The following ZNF638 variants were observed in gnomAD, a reference collection of about 807,000 sequenced individuals.
ZNF638 encodes zinc finger protein 638, also known as CTCL tumor antigen se33-1.
In ZNF638, 46 loss-of-function variants were observed where a neutral mutation model predicts 195.6. The observed-to-expected ratio is 0.24, with a 90% CI of 0.19 to 0.30. The LOEUF (loss-of-function observed/expected upper bound fraction) is 0.30. ZNF638 is among the 10% of genes least tolerant of loss of function. ZNF638 has a pLI of 1.00. For missense variants in ZNF638, 2,440 were observed against 2,325.3 expected, an observed-to-expected ratio of 1.05 and a Z score of -1.01; for synonymous variants, 845 against 772.0, an observed-to-expected ratio of 1.09 and a Z score of -1.57.
intron 8 of ZNF638, among the ~76,000 whole-genome samples, chr2:71,370,371 T>A (rs1438629613): frequency 1.3e-5 from 2 of 152,224 alleles, no homozygotes; most frequent in East Asian, 3.8e-4. Flanking sequence ...TAACTTGATT[T>A]CTAATGCCAT....
rs550102083 is a variant in ZNF638 at position 71,341,133 on chromosome 2, C to T, written c.-202-7620C>T. ...GGTATTGGAGATCTCAGAAATACCT[C>T]ACAGGATCTAATAGCGCTATCTTTT... On this transcript the variant is annotated intron_variant, in intron 1 of 27. Coordinates refer to ENST00000264447, the MANE Select transcript of ZNF638 (RefSeq NM_014497.5). 3.3e-5 allele frequency among the ~76,000 whole-genome samples: 5 copies of T among 152,258 alleles called. No individual in the cohort carries two copies. The South Asian group carries it at 1.0e-3, about 32-fold the overall frequency.
intron 10 of ZNF638, among the ~76,000 whole-genome samples, chr2:71,383,353 A>G (rs570265818): frequency 2.6e-5 from 4 of 152,156 alleles, no homozygotes; most frequent in Non-Finnish European, 5.9e-5. Context: ...GAAGAGATAG[A>G]TTCAGAAAGG....
chr2:71,358,890 A>G (rs1379304518), intron 3 of ZNF638, among the ~76,000 whole-genome samples: 2 of 152,250 alleles, frequency 1.3e-5, no homozygotes, highest in Non-Finnish European at 2.9e-5. Context: ...GTTAATGGCA[A>G]TCTGTGATCA....
At chr2:71,400,421 T>C in intron 14 of ZNF638, 57 bp from the exon 15 acceptor site, 1 of 1,521,358 alleles carries the variant, frequency 6.6e-7, no homozygotes. Context: ...TATTGTGGAA[T>C]AAAGTAGGAT....
chr2:71,348,525 T>G, intron 1 of ZNF638: 1 of 1,164,232 alleles, frequency 8.6e-7, no homozygotes, highest in Middle Eastern at 3.9e-4. Context: ...TGCAACACAA[T>G]GTACATGAAC....
chr2:71,380,196 T>C (rs1171530299), intron 8 of ZNF638, 26 bp from the exon 9 acceptor site: 2 of 1,443,046 alleles, frequency 1.4e-6, no homozygotes, highest in Non-Finnish European at 1.9e-6. Flanking sequence ...TAAATTTCTT[T>C]TGTTCAAAAT....
intron 10 of ZNF638, chr2:71,395,291 CCTG>C (rs2079870181): frequency 1.4e-6 from 1 of 717,146 alleles, no homozygotes; most frequent in African/African-American, 1.7e-5. Context: ...GCCTGACAAA[CCTG>C]CTGCTGTGCA....
intron 12 of ZNF638, 100 bp from the exon 13 acceptor site, chr2:71,399,459 T>A (rs1194605400): frequency 1.3e-6 from 1 of 770,964 alleles, no homozygotes; most frequent in African/African-American, 1.8e-5. Flanking sequence ...AAGAGCTGCT[T>A]TTGTAATAAA....
At position 71,418,024 on chromosome 2, in the gene ZNF638, A is replaced by G. The variant is rs531491110; in HGVS notation, c.3262-578A>G. Among the ~76,000 whole-genome samples, 199 of 152,300 alleles carry G rather than the reference A, an allele frequency of 1.3e-3. 1 individual carries two copies. The highest frequency in any genetic ancestry group is 4.8e-3 in the African/African-American group (199 of 41,564). On this transcript the variant is annotated intron_variant, in intron 20 of 27. Transcript: ENST00000264447. ...GTTTTGCCATTTTGTTCACTGATGC[A>G]TCCCAAGTACCCAGGACAGTGCTTG...
intron 1 of ZNF638, among the ~76,000 whole-genome samples, chr2:71,338,581 A>G (rs964576700): frequency 2.6e-5 from 4 of 152,204 alleles, no homozygotes; most frequent in Non-Finnish European, 4.4e-5. Context: ...TAAAATTACT[A>G]AAAAGAGTGA....
intron 10 of ZNF638, among the ~76,000 whole-genome samples, chr2:71,394,111 C>G (rs1302099045): frequency 6.6e-6 from 1 of 152,100 alleles, no homozygotes; most frequent in Non-Finnish European, 1.5e-5. Flanking sequence ...GGGGACAAGC[C>G]CTTAGTCTCC....
intron 10 of ZNF638, chr2:71,388,500 A>G (rs1317447610): frequency 1.4e-6 from 1 of 702,754 alleles, no homozygotes; most frequent in South Asian, 1.5e-5. Context: ...AAATAAATAC[A>G]AGCAGCTCCA....
intron 23 of ZNF638, among the ~76,000 whole-genome samples, chr2:71,425,986 ATTAG>A (rs1283396347): frequency 3.9e-5 from 6 of 152,160 alleles, no homozygotes; most frequent in African/African-American, 2.4e-5. Context: ...TCTATATATA[ATTAG>A]TTAATGTGTA....
At chr2:71,350,349 T>C in intron 2 of ZNF638, 78 bp downstream of exon 2, 1 of 1,396,458 alleles carries the variant, frequency 7.2e-7, no homozygotes, top group Non-Finnish European at 9.7e-7. Context: ...TGTATGCTGC[T>C]TGTTAACTAG....
At chr2:71,376,104 G>A (rs2079417662) in intron 8 of ZNF638, 1 of 152,182 alleles carries the variant, frequency 6.6e-6, no homozygotes. Flanking sequence ...GATGAAGTTG[G>A]TAAAGTAGCA....
At chr2:71,429,223 A>G (rs1227880784) in intron 25 of ZNF638, among the ~76,000 whole-genome samples, 1 of 152,168 alleles carries the variant, frequency 6.6e-6, no homozygotes, top group Non-Finnish European at 1.5e-5. Context: ...AGAGCACTGT[A>G]AGGGTATCGC....
chr2:71,416,990 TG>T (rs2080308272), intron 20 of ZNF638, among the ~76,000 whole-genome samples: 1 of 149,540 alleles, frequency 6.7e-6, no homozygotes, highest in South Asian at 2.1e-4. Flanking sequence ...CTCCTTGAGT[TG>T]TGGTGGGCTC....
chr2:71,433,466 C>A, intron 27 of ZNF638, 183 bp downstream of exon 27: 1 of 529,860 alleles, frequency 1.9e-6, no homozygotes, highest in Non-Finnish European at 3.4e-6. Context: ...TATTCCTTTT[C>A]CTTGAACAGC....
At chr2:71,337,558 A>G (rs2104089181) in intron 1 of ZNF638, among the ~76,000 whole-genome samples, 1 of 152,008 alleles carries the variant, frequency 6.6e-6, no homozygotes, top group East Asian at 1.9e-4. Context: ...GGCGCGCACC[A>G]CCATGCCTGG....
Sources: allele counts gnomAD v4.1 joint callset (sites outside exome capture counted in the v4.1 genomes callset), GRCh38; gene constraint gnomAD v4.1.1; transcripts MANE v1.5; gene names NCBI Gene and HGNC (gene_info 2026-07-23, HGNC 2026-07-21).